Variants in PCSK1 observed in about 807,000 individuals in gnomAD.
PCSK1 encodes the protein proprotein convertase subtilisin/kexin type 1.
PCSK1 carries 56 observed loss-of-function variants against 90.6 expected under a neutral mutation model. The observed-to-expected ratio is 0.62, with a 90% confidence interval of 0.50 to 0.77. The LOEUF (loss-of-function observed/expected upper bound fraction) is 0.77, where lower values mean the gene tolerates loss of function less well. Among genes scored for constraint, PCSK1 ranks in the 30% least tolerant of loss-of-function variants. The pLI is 0.00. For missense variants in PCSK1, 801 were observed against 932.6 expected (o/e 0.86, Z 1.84); for synonymous variants, 348 against 342.4 (o/e 1.02, Z -0.18).
chr5:96,397,467 T>G lies in PCSK1; in HGVS notation c.1591A>C (p.Thr531Pro). The G allele has an allele frequency of 6.2e-7, 1 of 1,612,782 alleles. No homozygotes were observed. The highest frequency in any genetic ancestry group is 8.5e-7 in the Non-Finnish European group (1 of 1,178,824). The change falls in exon 12 of 14, where the codon ACT becomes CCT. Residue 531 changes from threonine to proline, a missense_variant and splice_region_variant. Physicochemically the swap from Thr to Pro is conservative, Grantham distance 38 (BLOSUM62 -1). Coordinates refer to ENST00000311106, the MANE Select transcript of PCSK1 (RefSeq NM_000439.5). ...LHVTLTSAAGTSTVLLAERER... is the reference protein window; with the variant it reads ...LHVTLTSAAGPSTVLLAERER... Reference sequence around the variant, plus strand: ...CTTTCAGCCAAGAGCACAGTGCTAGTTCCTATGAAACAAATACAAGTTAAT... The same window carrying G: ...CTTTCAGCCAAGAGCACAGTGCTAGGTCCTATGAAACAAATACAAGTTAAT...
At position 96,425,934 on chromosome 5, in the gene PCSK1, C is replaced by T. The variant is rs1047494276; in HGVS notation, c.286-4G>A. The T allele has an allele frequency of 2.5e-6, 4 of 1,574,360 alleles. No homozygotes were observed. Among genetic ancestry groups the T allele is most frequent in the Non-Finnish European group, 3.5e-6 (4 of 1,144,676 alleles). On this transcript the variant is annotated splice_region_variant and splice_polypyrimidine_tract_variant and intron_variant, in intron 2 of 13. Coordinates refer to ENST00000311106, the MANE Select transcript of PCSK1 (RefSeq NM_000439.5). Reference sequence around the variant, plus strand: ...ACTGTTGTTCAGCCCATATCACCTACAAGGATTTTTATAGCAAGAAAATCA... The same window carrying T: ...ACTGTTGTTCAGCCCATATCACCTATAAGGATTTTTATAGCAAGAAAATCA...
intron 6 of PCSK1, among the ~76,000 whole-genome samples, chr5:96,412,752 GTTTTTTTTTTT>G (rs57397343): frequency 1.4e-5 from 1 of 71,832 alleles, no homozygotes; most frequent in Non-Finnish European, 2.2e-5. Flanking sequence ...CAGCTGTGAT[GTTTTTTTTTTT>G]TTTTTTTTTT....
Position 96,408,919 on chromosome 5 carries a change from A to T in PCSK1, c.1096-596T>A, listed in dbSNP as rs563457294. On this transcript the variant is annotated intron_variant, in intron 8 of 13. Transcript: ENST00000311106. ...GAAAACGATGGGTCTTTAAAATGGAAAGTGTGCTGGACTTAGTTCTGGGTT... is the reference window on the plus strand; with the variant it reads ...GAAAACGATGGGTCTTTAAAATGGATAGTGTGCTGGACTTAGTTCTGGGTT... 2.6e-5 allele frequency among the ~76,000 whole-genome samples: 4 copies of T among 152,304 alleles called. No individual in the cohort carries two copies. The South Asian group carries it at 8.3e-4, about 32-fold the overall frequency.
intron 12 of PCSK1, among the ~76,000 whole-genome samples, 171 bp from the exon 13 acceptor site, chr5:96,395,196 G>T (rs988026178): frequency 6.6e-6 from 1 of 152,122 alleles, no homozygotes; most frequent in Non-Finnish European, 1.5e-5. Context: ...ACAATTTGTA[G>T]GTTCAACAGT....
At chr5:96,432,712 C>A in intron 1 of PCSK1, 151 bp downstream of exon 1, 1 of 662,908 alleles carries the variant, frequency 1.5e-6, no homozygotes, top group Non-Finnish European at 2.7e-6. Context: ...TCTCTCCAAG[C>A]GCGACAGGGG....
At chr5:96,432,799 C>A in intron 1 of PCSK1, 64 bp downstream of exon 1, 1 of 1,411,686 alleles carries the variant, frequency 7.1e-7, no homozygotes, top group Non-Finnish European at 1.0e-6. Flanking sequence ...ACTTGGAAGA[C>A]CGCGCTCCAG....
At chr5:96,419,297 A>G (rs924382006) in intron 5 of PCSK1, among the ~76,000 whole-genome samples, 1 of 147,758 alleles carries the variant, frequency 6.8e-6, no homozygotes, top group South Asian at 2.1e-4. Flanking sequence ...ATATGTATAT[A>G]TATATTAAGT....
In PCSK1 at chr5:96,425,871, GTCCCTTAGAGC is replaced by G. The variant is rs1444433235; in HGVS notation, c.334_344del (p.Ala112LeufsTer8). The G allele has an allele frequency of 6.2e-7, 1 of 1,612,312 alleles. No homozygotes were observed. Among genetic ancestry groups the G allele is most frequent in the Non-Finnish European group, 8.5e-7 (1 of 1,178,552 alleles). ...GATCATTGAAGAGATTTAGTGCTGA[GTCCCTTAGAGC>G]TGAACGTTTACTTCTTTCTTTTTCA... On this transcript the variant is annotated frameshift_variant, in exon 3 of 14. Coordinates refer to ENST00000311106, the MANE Select transcript of PCSK1 (RefSeq NM_000439.5). LOFTEE classifies it high-confidence loss of function.
At chr5:96,400,324 TTAC>T in intron 9 of PCSK1, 138 bp from the exon 10 acceptor site, 5 of 693,748 alleles carry the variant, frequency 7.2e-6, no homozygotes, top group Middle Eastern at 7.4e-4. Context: ...CTAGTGTCTA[TTAC>T]TGTTCATATA....
Position 96,423,389 on chromosome 5 carries a change from A to G in PCSK1, c.467T>C (p.Ile156Thr), listed in dbSNP as rs368303692. The change falls in exon 4 of 14, where the codon ATT becomes ACT. Residue 156 changes from isoleucine (I) to threonine (T), a missense_variant. Ile to Thr is a moderately conservative substitution (Grantham distance 89, BLOSUM62 -1). Transcript: ENST00000311106. ...GGTGATAACAACTCCTTTGCCCGTA[A>G]TGCCTTTTTGCCAAACAGGTATCAC... ...LHVIPVWQKG[I>T]TGKGVVITVL... is the part of the protein sequence containing the mutation. 24 of 1,613,956 alleles carry G rather than the reference A, an allele frequency of 1.5e-5. 1 individual carries two copies. In the African/African-American group the frequency reaches 2.7e-4, roughly 18 times the overall value.
chr5:96,397,693 C>T (rs918440427), intron 11 of PCSK1, among the ~76,000 whole-genome samples: 3 of 151,798 alleles, frequency 2.0e-5, no homozygotes, highest in African/African-American at 7.3e-5. Flanking sequence ...ATATTATTTG[C>T]CTCAATAAAT....
Position 96,412,385 on chromosome 5 carries a change from T to C in PCSK1, c.815A>G (p.Asp272Gly), listed in dbSNP as rs752416942. The C allele has an allele frequency of 1.2e-6, 2 of 1,614,132 alleles. No individual in the cohort carries two copies. Among genetic ancestry groups the C allele is most frequent in the Admixed American group, 1.7e-5 (1 of 60,010 alleles). ...AGGCCCCTCCACAGTTTTCCCATCA[T>C]CATTAGGGCCCCAGCTTGCACTGTA... Reference protein sequence around the residue: ...DIYSASWGPNDDGKTVEGPGR... With the variant: ...DIYSASWGPNGDGKTVEGPGR... The change falls in exon 7 of 14, where the codon GAT becomes GGT. Residue 272 changes from aspartate (D) to glycine (G), a missense_variant. By Grantham distance (94) the Asp-to-Gly change is moderately conservative. Coordinates refer to ENST00000311106, the MANE Select transcript of PCSK1 (RefSeq NM_000439.5).
intron 6 of PCSK1, 22 bp from the exon 7 acceptor site, chr5:96,412,512 G>A (rs369945639): frequency 1.4e-5 from 22 of 1,608,376 alleles, no homozygotes; most frequent in Non-Finnish European, 1.8e-5. Flanking sequence ...AATAAACAAA[G>A]ACACACAAAG....
intron 2 of PCSK1, among the ~76,000 whole-genome samples, chr5:96,426,659 T>C (rs1368842289): frequency 6.6e-6 from 1 of 152,190 alleles, no homozygotes; most frequent in African/African-American, 2.4e-5. Flanking sequence ...CTTGTAGTTA[T>C]ATTCATTATG....
chr5:96,397,064 A>T lies in PCSK1; in HGVS notation c.1722+272T>A, dbSNP rs11135457. ...GTTAGATGGCTGGCTGCATGCAGAC[A>T]TGGGAACACCTGGATTTGTCCCACA... On this transcript the variant is annotated intron_variant, in intron 12 of 13. Coordinates refer to ENST00000311106, the MANE Select transcript of PCSK1 (RefSeq NM_000439.5). Among the ~76,000 whole-genome samples, 30,103 of 152,164 alleles carry T rather than the reference A, an allele frequency of 0.2. 3,778 individuals carry two copies. The highest frequency in any genetic ancestry group is 0.26 in the Non-Finnish European group (17,913 of 67,968).
Position 96,421,919 on chromosome 5 carries a change from T to C in PCSK1, c.581A>G (p.His194Arg). ...GGGATCATATCGGGGAAATGGATCA[T>C]GGTCATTATCATTAAAATCATAGCT... is the stretch of plus-strand genomic sequence containing the variant. ...EASYDFNDND[H>R]DPFPRYDPTN... The change falls in exon 5 of 14, where the codon CAT becomes CGT. Residue 194 changes from histidine to arginine, a missense_variant. Coordinates refer to ENST00000311106, the MANE Select transcript of PCSK1 (RefSeq NM_000439.5). 6.3e-7 allele frequency: 1 copy of C among 1,585,942 alleles called. No homozygotes were observed. Among genetic ancestry groups the C allele is most frequent in the Non-Finnish European group, 8.6e-7 (1 of 1,158,614 alleles).
At position 96,425,967 on chromosome 5, in the gene PCSK1, A is replaced by G. The variant is rs372165490; in HGVS notation, c.286-37T>C. On this transcript the variant is annotated intron_variant, in intron 2 of 13. Coordinates refer to ENST00000311106, the MANE Select transcript of PCSK1 (RefSeq NM_000439.5). ...TTTATAGCAAGAAAATCAAAAGTCAAATATCTACCTCTGTATACTTCCTCT... is the reference window on the plus strand; with the variant it reads ...TTTATAGCAAGAAAATCAAAAGTCAGATATCTACCTCTGTATACTTCCTCT... 3.0e-5 allele frequency: 35 copies of G among 1,156,072 alleles called. No homozygotes were observed. In the East Asian group the frequency reaches 4.4e-4, roughly 15 times the overall value. The allele number at this position is 1,156,072 out of a possible 1,614,324, so 71.6% of individuals were successfully genotyped here. A position where few individuals can be genotyped will look rare whatever the true frequency, so the allele number is the denominator to read the frequency against.
chr5:96,408,150 AGAAAAAAAAGTGTTATTAAAAAT>A, intron 9 of PCSK1, 50 bp downstream of exon 9: 1 of 1,081,256 alleles, frequency 9.2e-7, no homozygotes, highest in Non-Finnish European at 1.4e-6. Context: ...CCATGTATTC[AGAAAAAAAAGTGTTATTAAAAAT>A]AAGGAGAATC....
rs560055002 is a variant in PCSK1 at position 96,429,090 on chromosome 5, TAAAC to T, written c.285+119_285+122del. 389 of 640,686 alleles carry T rather than the reference TAAAC, an allele frequency of 6.1e-4. 4 individuals carry two copies. The African/African-American group carries it at 6.2e-3, about 10-fold the overall frequency. 39.7% of individuals were successfully genotyped at this position (640,686 alleles called of 1,614,324 possible). A position where few individuals can be genotyped will look rare whatever the true frequency, so the allele number is the denominator to read the frequency against. On this transcript the variant is annotated intron_variant, in intron 2 of 13. Transcript: ENST00000311106. Reference sequence around the variant, plus strand: ...GGAAAGAAATTAGAAATAATACAGATAAACAATCTTGGTCACAATAAAAAAAAAA... The same window carrying T: ...GGAAAGAAATTAGAAATAATACAGATAATCTTGGTCACAATAAAAAAAAAA...
Sources: allele counts gnomAD v4.1 joint callset (sites outside exome capture counted in the v4.1 genomes callset), GRCh38; gene constraint gnomAD v4.1.1; transcripts MANE v1.5; gene names NCBI Gene and HGNC (gene_info 2026-07-23, HGNC 2026-07-21).